The following GMPR variants were observed in gnomAD, a reference collection of about 807,000 sequenced individuals.
GMPR encodes guanosine monophosphate reductase, also known as GMP reductase 1.
A neutral mutation model predicts 38.4 loss-of-function variants in GMPR; 31 were observed. That is an observed-to-expected ratio of 0.81 (90% confidence interval 0.61 to 1.09). The LOEUF (loss-of-function observed/expected upper bound fraction) is 1.09. Ranked by LOEUF, GMPR falls within the 50% of genes least tolerant of loss-of-function variation. GMPR has a pLI of 0.00. For missense variants in GMPR, 468 were observed against 453.7 expected (o/e 1.03, Z -0.29); for synonymous variants, 162 against 173.3 (o/e 0.93, Z 0.51).
chr6:16,249,415 C>T (rs1261199054), intron 2 of GMPR, among the ~76,000 whole-genome samples: 2 of 152,092 alleles, frequency 1.3e-5, no homozygotes, highest in Admixed American at 6.5e-5. Flanking sequence ...GGTGATCCAC[C>T]CACCTCAGCC....
At chr6:16,245,724 C>G (rs572243559) in intron 1 of GMPR, among the ~76,000 whole-genome samples, 1 of 152,318 alleles carries the variant, frequency 6.6e-6, no homozygotes, top group East Asian at 1.9e-4. Context: ...TCAGCAACAG[C>G]GAGAAGCCAC....
At position 16,250,008 on chromosome 6, in the gene GMPR, A is replaced by G. The variant is rs146034653; in HGVS notation, c.208-276A>G. 6.2e-3 allele frequency among the ~76,000 whole-genome samples: 937 copies of G among 152,304 alleles called. 10 individuals carry two copies. The highest frequency in any genetic ancestry group is 0.021 in the African/African-American group (890 of 41,568). On this transcript the variant is annotated intron_variant, in intron 2 of 8. Transcript: ENST00000259727. ...CCTGGGTGGGCTGGGTAGGGCTCTG[A>G]GAATTCTCTTTTATCCCTCTCCTGC...
At chr6:16,239,977 AGG>A (rs1014835254) in intron 1 of GMPR, among the ~76,000 whole-genome samples, 7 of 152,084 alleles carry the variant, frequency 4.6e-5, no homozygotes, top group African/African-American at 1.7e-4. Context: ...GGTGCTAAAG[AGG>A]GGGCCTCTCT....
intron 6 of GMPR, among the ~76,000 whole-genome samples, chr6:16,285,154 G>T (rs948717501): frequency 5.3e-5 from 8 of 151,254 alleles, no homozygotes; most frequent in African/African-American, 1.9e-4. Flanking sequence ...GGCAGCCCAA[G>T]ATAACAGACT....
In GMPR at chr6:16,254,444, AT is replaced by A. The variant is rs1438055980; in HGVS notation, c.292-116del. On this transcript the variant is annotated intron_variant, in intron 3 of 8. Transcript: ENST00000259727. ...CTTGAGCAGGTGCACTGTGCATTTG[AT>A]TAGGGTAGACCGAAAAGGGTTGTTG... 3.8e-6 allele frequency: 3 copies of A among 784,764 alleles called. No individual in the cohort carries two copies. The African/African-American group carries it at 5.1e-5, about 13-fold the overall frequency. 48.6% of individuals were successfully genotyped at this position (784,764 alleles called of 1,614,324 possible). A position where few individuals can be genotyped will look rare whatever the true frequency, so the allele number is the denominator to read the frequency against.
At chr6:16,255,503 G>A (rs911268777) in intron 4 of GMPR, among the ~76,000 whole-genome samples, 1 of 152,138 alleles carries the variant, frequency 6.6e-6, no homozygotes, top group African/African-American at 2.4e-5. Flanking sequence ...TACTATCGAT[G>A]GTGAATCGGT....
intron 4 of GMPR, among the ~76,000 whole-genome samples, chr6:16,271,830 A>G (rs772523471): frequency 3.3e-5 from 5 of 152,174 alleles, no homozygotes; most frequent in Non-Finnish European, 7.3e-5. Context: ...TCATACACAC[A>G]TACACTTTTT....
At chr6:16,239,406 A>G (rs766119438) in intron 1 of GMPR, among the ~76,000 whole-genome samples, 2 of 152,042 alleles carry the variant, frequency 1.3e-5, no homozygotes, top group Non-Finnish European at 2.9e-5. Context: ...GGTGGGGGCG[A>G]ATTGGAAGCC....
chr6:16,243,558 G>GAAGAC (rs1375238987), intron 1 of GMPR, among the ~76,000 whole-genome samples: 1 of 152,224 alleles, frequency 6.6e-6, no homozygotes, highest in African/African-American at 2.4e-5. Flanking sequence ...TACAAAGTTG[G>GAAGAC]AAGACGTCCC....
intron 4 of GMPR, among the ~76,000 whole-genome samples, chr6:16,269,324 G>A (rs1356984184): frequency 6.6e-6 from 1 of 152,214 alleles, no homozygotes; most frequent in Non-Finnish European, 1.5e-5. Context: ...GGGAGGTCTA[G>A]CATTCGACCC....
chr6:16,272,713 G>A (rs1412491647), intron 4 of GMPR, among the ~76,000 whole-genome samples: 7 of 152,158 alleles, frequency 4.6e-5, no homozygotes, highest in African/African-American at 1.7e-4. Flanking sequence ...GTTTGTAAGA[G>A]CTCTTATTAT....
intron 4 of GMPR, among the ~76,000 whole-genome samples, chr6:16,263,765 AAT>A (rs1371524527): frequency 7.2e-6 from 1 of 139,578 alleles, no homozygotes; most frequent in Non-Finnish European, 1.6e-5. Context: ...AGGGCACAGA[AAT>A]AAGGGATTGG....
intron 1 of GMPR, among the ~76,000 whole-genome samples, chr6:16,246,523 C>G (rs1758758131): frequency 6.6e-6 from 1 of 152,014 alleles, no homozygotes; most frequent in African/African-American, 2.4e-5. Flanking sequence ...GCAGATCCTC[C>G]CAGGAGGGGA....
chr6:16,265,153 G>A (rs772536108), intron 4 of GMPR, among the ~76,000 whole-genome samples: 2 of 152,216 alleles, frequency 1.3e-5, no homozygotes, highest in Non-Finnish European at 2.9e-5. Context: ...GAATATTGCA[G>A]TGTTGACCAG....
At chr6:16,266,656 A>G (rs1759243731) in intron 4 of GMPR, among the ~76,000 whole-genome samples, 1 of 151,628 alleles carries the variant, frequency 6.6e-6, no homozygotes, top group South Asian at 2.1e-4. Flanking sequence ...CAAAAAAAAG[A>G]AAAAATTAGC....
chr6:16,252,895 C>G (rs760823136), intron 3 of GMPR, among the ~76,000 whole-genome samples: 26 of 152,192 alleles, frequency 1.7e-4, no homozygotes, highest in Non-Finnish European at 2.9e-4. Context: ...TCAGCTCACT[C>G]TCAGTCTCTG....
rs140528875 is a variant in GMPR at position 16,271,212 on chromosome 6, G to C, written c.466-3203G>C. 3.4e-3 allele frequency among the ~76,000 whole-genome samples: 518 copies of C among 152,276 alleles called. 1 individual carries two copies. Among genetic ancestry groups the C allele is most frequent in the African/African-American group, 0.012 (491 of 41,550 alleles). On this transcript the variant is annotated intron_variant, in intron 4 of 8. Coordinates refer to ENST00000259727, the MANE Select transcript of GMPR (RefSeq NM_006877.4). ...ATTGAAAATGAAATTGTGGCCGGGC[G>C]CAGTGGCTCATGCCTGTAATCCCAG...
chr6:16,274,352 GT>G, intron 4 of GMPR, 62 bp from the exon 5 acceptor site: 1 of 1,021,912 alleles, frequency 9.8e-7, no homozygotes, highest in Non-Finnish European at 1.6e-6. Context: ...CAGGTGTGGG[GT>G]TCCTCACCTT....
At chr6:16,279,989 C>T (rs1759548551) in intron 6 of GMPR, among the ~76,000 whole-genome samples, 1 of 152,130 alleles carries the variant, frequency 6.6e-6, no homozygotes, top group African/African-American at 2.4e-5. Context: ...AATTGACTGA[C>T]ATTTGGGAGG....
Sources: allele counts gnomAD v4.1 joint callset (sites outside exome capture counted in the v4.1 genomes callset), GRCh38; gene constraint gnomAD v4.1.1; transcripts MANE v1.5; gene names NCBI Gene and HGNC (gene_info 2026-07-23, HGNC 2026-07-21).